Variants in PCDHGA5 observed in about 807,000 individuals in gnomAD.
PCDHGA5 encodes the protein protocadherin gamma subfamily A, 5, also known as protocadherin gamma-A5.
Under a neutral mutation model 56.7 loss-of-function variants are expected in PCDHGA5, and 36 were observed. The ratio of observed to expected loss-of-function variants is 0.64; its 90% CI spans 0.49 to 0.84. The LOEUF (loss-of-function observed/expected upper bound fraction) is 0.84. PCDHGA5 is among the 40% of genes least tolerant of loss of function. The pLI is 0.00. For missense variants in PCDHGA5, 1,305 were observed against 1,201.5 expected, an observed-to-expected ratio of 1.09 and a Z score of -1.27; for synonymous variants, 563 against 520.2, an observed-to-expected ratio of 1.08 and a Z score of -1.12.
intron 2 of PCDHGA5, among the ~76,000 whole-genome samples, chr5:141,502,067 CCTTCACCTGGGG>C (rs1307097799): frequency 6.6e-6 from 1 of 152,172 alleles, no homozygotes; most frequent in Non-Finnish European, 1.5e-5. Flanking sequence ...CCATTAGCCC[CCTTCACCTGGGG>C]CTGAGAACAC....
intron 1 of PCDHGA5, among the ~76,000 whole-genome samples, chr5:141,401,463 C>G (rs2094158062): frequency 6.6e-6 from 1 of 152,214 alleles, no homozygotes; most frequent in Admixed American, 6.5e-5. Flanking sequence ...AAATAATTTT[C>G]TAAGTTTATC....
chr5:141,417,663 C>T (rs2096144136), intron 1 of PCDHGA5: 8 of 901,900 alleles, frequency 8.9e-6, no homozygotes, highest in Non-Finnish European at 1.3e-5. Flanking sequence ...CCTGGGATTC[C>T]CTGCGCAGCC....
chr5:141,495,005 C>T (rs555909709), intron 2 of PCDHGA5, 140 bp downstream of exon 2: 1,141 of 1,522,692 alleles, frequency 7.5e-4, no homozygotes, highest in Non-Finnish European at 8.4e-4. Context: ...TCTTGGTGTG[C>T]GGGGGGCTGG....
intron 1 of PCDHGA5, chr5:141,413,740 C>T (rs1274240064): frequency 5.6e-6 from 9 of 1,613,284 alleles, no homozygotes; most frequent in African/African-American, 1.3e-5. Flanking sequence ...AGTTCAGAGC[C>T]GTGCCAATGG....
At chr5:141,456,897 A>G (rs1351271896) in intron 1 of PCDHGA5, among the ~76,000 whole-genome samples, 2 of 152,178 alleles carry the variant, frequency 1.3e-5, no homozygotes, top group Admixed American at 1.3e-4. Context: ...CGGGAGGCAG[A>G]GGTTGCAGTG....
chr5:141,403,929 G>A (rs1203236737), intron 1 of PCDHGA5: 5 of 1,613,854 alleles, frequency 3.1e-6, no homozygotes, highest in Non-Finnish European at 4.2e-6. Context: ...GATGGTGGGG[G>A]ATTGAAAGGG....
intron 1 of PCDHGA5, chr5:141,420,292 T>C (rs761934978): frequency 2.7e-6 from 4 of 1,485,132 alleles, no homozygotes; most frequent in Middle Eastern, 1.8e-4. Context: ...TTTAAAAATG[T>C]ATTTAATCCT....
intron 1 of PCDHGA5, among the ~76,000 whole-genome samples, chr5:141,469,004 C>T (rs570896326): frequency 3.3e-5 from 5 of 151,802 alleles, no homozygotes; most frequent in Admixed American, 2.0e-4. Flanking sequence ...TTGCTGGGTG[C>T]GGTGGGTCAC....
At position 141,485,299 on chromosome 5, in the gene PCDHGA5, G is replaced by A; in HGVS notation, c.2422-9508G>A. On this transcript the variant is annotated intron_variant, in intron 1 of 3. Coordinates refer to ENST00000518069, the MANE Select transcript of PCDHGA5 (RefSeq NM_018918.3). The surrounding 1 kb of genome is among the most constrained non-coding windows in gnomAD (Gnocchi z 5.7). ...CGGTCCCAGAGGAGTCACAGGAAGG[G>A]ACTTTTGTAGGGAATGTCGCTCAAG... 1 of 1,614,180 alleles carries A rather than the reference G, an allele frequency of 6.2e-7. No individual in the cohort carries two copies. Among genetic ancestry groups the A allele is most frequent in the Non-Finnish European group, 8.5e-7 (1 of 1,180,012 alleles).
Position 141,431,706 on chromosome 5 carries a change from A to T in PCDHGA5, c.2422-63101A>T. The T allele has an allele frequency of 6.2e-7, 1 of 1,614,248 alleles. No homozygotes were observed. The highest frequency in any genetic ancestry group is 8.5e-7 in the Non-Finnish European group (1 of 1,180,048). On this transcript the variant is annotated intron_variant, in intron 1 of 3. Coordinates refer to ENST00000518069, the MANE Select transcript of PCDHGA5 (RefSeq NM_018918.3). The surrounding 1 kb of genome is among the most constrained non-coding windows in gnomAD (Gnocchi z 4.8). ...GACCACGAGGAGTCAGGATTCTACC[A>T]GATGGAAGTGCAAGCAATGGATAAT...
At position 141,490,908 on chromosome 5, in the gene PCDHGA5, C is replaced by G; in HGVS notation, c.2422-3899C>G. On this transcript the variant is annotated intron_variant, in intron 1 of 3. Transcript: ENST00000518069. This position sits in a 1 kb window ranked among gnomAD's most constrained non-coding sequence, Gnocchi z 5.4. ...CATCTCTGCATGTGTTTGTCCTAGA[C>G]GAGAATGATAATGCCCCAGCTGTGC... The G allele has an allele frequency of 6.2e-7, 1 of 1,613,710 alleles. No individual in the cohort carries two copies. Among genetic ancestry groups the G allele is most frequent in the Non-Finnish European group, 8.5e-7 (1 of 1,179,754 alleles).
At position 141,491,098 on chromosome 5, in the gene PCDHGA5, C is replaced by A. The variant is rs1283499077; in HGVS notation, c.2422-3709C>A. ...ACAGTCCACAGCCCCAGGACTGTTC[C>A]TCGTGTCTACACACACTGGTGAGGT... On this transcript the variant is annotated intron_variant, in intron 1 of 3. Coordinates refer to ENST00000518069, the MANE Select transcript of PCDHGA5 (RefSeq NM_018918.3). This position sits in a 1 kb window ranked among gnomAD's most constrained non-coding sequence, Gnocchi z 6.9. 6.2e-7 allele frequency: 1 copy of A among 1,614,216 alleles called. No individual in the cohort carries two copies. Among genetic ancestry groups the A allele is most frequent in the Non-Finnish European group, 8.5e-7 (1 of 1,180,038 alleles).
rs775270875 is a variant in PCDHGA5 at position 141,410,577 on chromosome 5, A to G, written c.2421+43826A>G. ...TCTCCTGGAGCCTTAATTCCACCTCATGGTGGGGAGGATTTGACTTCACAT... is the reference window on the plus strand; with the variant it reads ...TCTCCTGGAGCCTTAATTCCACCTCGTGGTGGGGAGGATTTGACTTCACAT... On this transcript the variant is annotated intron_variant, in intron 1 of 3. Coordinates refer to ENST00000518069, the MANE Select transcript of PCDHGA5 (RefSeq NM_018918.3). 4 of 1,610,116 alleles carry G rather than the reference A, an allele frequency of 2.5e-6. No homozygotes were observed. In the Admixed American group the frequency reaches 5.0e-5, roughly 20 times the overall value.
intron 1 of PCDHGA5, among the ~76,000 whole-genome samples, chr5:141,438,370 A>G (rs2097956460): frequency 1.3e-5 from 2 of 152,004 alleles, no homozygotes; most frequent in South Asian, 4.2e-4. Context: ...CATTGAGGGC[A>G]GATATAATTT....
rs1310685846 is a variant in PCDHGA5, at chr5:141,423,037, T to C, written c.2421+56286T>C. ...GGACAAAGATTCAGGCCAGAACGCCTGGCTGTCCTATCGCCTGCTTAAGGC... is the reference window on the plus strand; with the variant it reads ...GGACAAAGATTCAGGCCAGAACGCCCGGCTGTCCTATCGCCTGCTTAAGGC... On this transcript the variant is annotated intron_variant, in intron 1 of 3. Transcript: ENST00000518069. 5 of 1,614,086 alleles carry C rather than the reference T, an allele frequency of 3.1e-6. No homozygotes were observed. In the African/African-American group the frequency reaches 5.3e-5, roughly 17 times the overall value.
At chr5:141,460,047 C>T (rs2098981053) in intron 1 of PCDHGA5, among the ~76,000 whole-genome samples, 1 of 152,102 alleles carries the variant, frequency 6.6e-6, no homozygotes. Context: ...CACTGCACTC[C>T]AGCCTGGGCA....
chr5:141,458,553 T>G (rs987591790), intron 1 of PCDHGA5, among the ~76,000 whole-genome samples: 24 of 146,852 alleles, frequency 1.6e-4, no homozygotes, highest in Non-Finnish European at 2.5e-4. Flanking sequence ...TGTTTGTTTG[T>G]TTTGGTTTTG....
In PCDHGA5 at chr5:141,511,236, C is replaced by T; in HGVS notation, c.*63C>T. 4 of 1,591,606 alleles carry T rather than the reference C, an allele frequency of 2.5e-6. No individual in the cohort carries two copies. Among genetic ancestry groups the T allele is most frequent in the Admixed American group, 3.6e-5 (2 of 56,022 alleles). ...CCCAACCAGCCCAGCTTCTCCTTAC[C>T]TGCACCCAGGCCTCAGAGTTTCAGG... On this transcript the variant is annotated 3_prime_UTR_variant, in exon 4 of 4. Transcript: ENST00000518069.
At chr5:141,409,631 T>C (rs773588699) in intron 1 of PCDHGA5, 27 of 1,613,698 alleles carry the variant, frequency 1.7e-5, no homozygotes, top group Non-Finnish European at 2.2e-5. Context: ...AGTGAGCGCC[T>C]CTGACCCGGA....
Sources: gnomAD v4.1 joint callset for allele counts (sites outside exome capture counted in the v4.1 genomes callset) on GRCh38, gnomAD v4.1.1 for gene constraint, Gnocchi (gnomAD v3.1) non-coding constraint, MANE v1.5 for transcripts, NCBI Gene and HGNC (gene_info 2026-07-23, HGNC 2026-07-21) for gene names.